Variants in ARMH4 observed in about 807,000 individuals in gnomAD.
The protein encoded by ARMH4 is armadillo-like helical domain-containing protein 4.
In ARMH4, 49 loss-of-function variants were observed where a neutral mutation model predicts 61.9. That is an observed-to-expected ratio of 0.79 (90% CI 0.63 to 1.00). The LOEUF (loss-of-function observed/expected upper bound fraction) is 1.00. Ranked by LOEUF, ARMH4 falls within the 50% of genes least tolerant of loss-of-function variation. ARMH4 has a pLI of 0.00. For missense variants in ARMH4, 934 were observed against 930.0 expected (o/e 1.00, Z -0.06); for synonymous variants, 368 against 341.5 (o/e 1.08, Z -0.85).
In ARMH4 at chr14:58,139,102, A is replaced by G; in HGVS notation, c.257T>C (p.Leu86Ser). 1 of 1,614,184 alleles carries G rather than the reference A, an allele frequency of 6.2e-7. No homozygotes were observed. The highest frequency in any genetic ancestry group is 8.5e-7 in the Non-Finnish European group (1 of 1,180,024). The stretch of plus-strand genomic sequence containing the variant: ...TTTGTTAATCGAGAATGCTTTATTT[A>G]ATGATGTTGCCGATGGTACTGCTGA... ...MMSAVPSATS[L>S]NKAFSINKET... The change falls in exon 2 of 8, where the codon TTA becomes TCA. Residue 86 changes from leucine to serine, a missense_variant. Physicochemically the swap from Leu to Ser is moderately radical, Grantham distance 145 (BLOSUM62 -2). Coordinates refer to ENST00000267485, the MANE Select transcript of ARMH4 (RefSeq NM_001001872.4).
intron 5 of ARMH4, among the ~76,000 whole-genome samples, chr14:58,095,601 G>A (rs1265868187): frequency 6.6e-6 from 1 of 151,968 alleles, no homozygotes. Flanking sequence ...TGCTGAATTT[G>A]GCCAGAAAGT....
chr14:58,096,901 T>C lies in ARMH4; in HGVS notation c.1912A>G (p.Lys638Glu). The part of the protein sequence containing the change: ...EEDEEEDEED[K>E]DADSLDEGLD... ...CCCTCATCCAGCGAGTCTGCATCTT[T>C]ATCTTCCTCATCTTCTTCCTCATCT... The change falls in exon 5 of 8, where the codon AAA becomes GAA. Residue 638 changes from lysine (K) to glutamate (E), a missense_variant. Physicochemically the swap from Lys to Glu is moderately conservative, Grantham distance 56. Transcript: ENST00000267485. 1 of 1,614,194 alleles carries C rather than the reference T, an allele frequency of 6.2e-7. No homozygotes were observed. Among genetic ancestry groups the C allele is most frequent in the Admixed American group, 1.7e-5 (1 of 60,026 alleles).
At chr14:58,027,415 T>C (rs867586461) in intron 5 of ARMH4, among the ~76,000 whole-genome samples, 1 of 152,324 alleles carries the variant, frequency 6.6e-6, no homozygotes, top group African/African-American at 2.4e-5. Context: ...TTTTCTAATT[T>C]AGAACATAAG....
intron 5 of ARMH4, among the ~76,000 whole-genome samples, chr14:58,016,491 G>A (rs1472843625): frequency 2.0e-5 from 3 of 152,020 alleles, no homozygotes; most frequent in South Asian, 4.2e-4. Flanking sequence ...TAGAATTATC[G>A]ATGATTTGTC....
intron 4 of ARMH4, among the ~76,000 whole-genome samples, chr14:58,112,013 G>A (rs1886368963): frequency 1.3e-5 from 2 of 151,946 alleles, no homozygotes; most frequent in Non-Finnish European, 2.9e-5. Flanking sequence ...TTTTTATAAG[G>A]ACACCAGTCC....
chr14:58,005,200 C>G lies in ARMH4; in HGVS notation c.2122-18G>C. The G allele has an allele frequency of 1.2e-6, 2 of 1,613,810 alleles. No homozygotes were observed. Among genetic ancestry groups the G allele is most frequent in the Non-Finnish European group, 1.7e-6 (2 of 1,179,838 alleles). On this transcript the variant is annotated intron_variant, in intron 6 of 7. Transcript: ENST00000267485. ...TAACCAGCCTGCATAGAAAAGGAAA[C>G]ACACATTAGGATGCTAAACAGAGCG...
At chr14:58,100,865 C>T (rs1885949631) in intron 4 of ARMH4, 1 of 152,574 alleles carries the variant, frequency 6.6e-6, no homozygotes, top group Admixed American at 6.5e-5. Flanking sequence ...ACAGCAAGGG[C>T]CAGAAGTGAA....
At chr14:58,029,127 C>A (rs71414182) in intron 5 of ARMH4, among the ~76,000 whole-genome samples, 1,998 of 152,298 alleles carry the variant, frequency 0.013, 32 homozygotes, top group East Asian at 0.081. Context: ...CCCCTGGCAA[C>A]CACCCATTCA....
chr14:58,061,088 G>A (rs915841684), intron 5 of ARMH4, among the ~76,000 whole-genome samples: 2 of 152,072 alleles, frequency 1.3e-5, no homozygotes. Context: ...ATTCCATGCT[G>A]AGCTCCAACT....
intron 4 of ARMH4, among the ~76,000 whole-genome samples, chr14:58,125,803 T>C (rs527345109): frequency 2.4e-4 from 37 of 152,166 alleles, no homozygotes; most frequent in Non-Finnish European, 4.7e-4. Context: ...TGGGTTTTCC[T>C]GTTGAGAGCG....
At chr14:58,069,321 T>C (rs1258876855) in intron 5 of ARMH4, among the ~76,000 whole-genome samples, 1 of 152,224 alleles carries the variant, frequency 6.6e-6, no homozygotes, top group Non-Finnish European at 1.5e-5. Flanking sequence ...TATGCTATGA[T>C]AGATCATAGG....
chr14:58,056,777 A>G (rs1052674516), intron 5 of ARMH4, among the ~76,000 whole-genome samples: 1 of 152,044 alleles, frequency 6.6e-6, no homozygotes, highest in Non-Finnish European at 1.5e-5. Flanking sequence ...ATTGAAACCC[A>G]TTCTCCCCTT....
At chr14:58,008,160 C>T (rs1331878836) in intron 6 of ARMH4, among the ~76,000 whole-genome samples, 4 of 152,070 alleles carry the variant, frequency 2.6e-5, no homozygotes, top group African/African-American at 7.2e-5. Flanking sequence ...CAGAGATCTG[C>T]TTAAAGTATA....
chr14:58,092,624 G>A (rs943071759), intron 5 of ARMH4, among the ~76,000 whole-genome samples: 1 of 152,114 alleles, frequency 6.6e-6, no homozygotes, highest in Non-Finnish European at 1.5e-5. Flanking sequence ...CAGTTTCCTT[G>A]CCTTTTCCAG....
chr14:58,130,936 T>G (rs995362388), intron 4 of ARMH4, among the ~76,000 whole-genome samples: 4 of 152,220 alleles, frequency 2.6e-5, no homozygotes, highest in Non-Finnish European at 5.9e-5. Flanking sequence ...TCTTTTAAAA[T>G]GCTGATGCCA....
intron 5 of ARMH4, among the ~76,000 whole-genome samples, chr14:58,078,963 G>C (rs1455039944): frequency 6.6e-6 from 1 of 152,172 alleles, no homozygotes; most frequent in Non-Finnish European, 1.5e-5. Context: ...GTCTTTCTTC[G>C]AAAGGCTCAT....
chr14:58,148,846 TAC>T (rs138826141), intron 1 of ARMH4, among the ~76,000 whole-genome samples: 5,583 of 145,322 alleles, frequency 0.038, 191 homozygotes, highest in African/African-American at 0.091. Flanking sequence ...CAGAGTTTAT[TAC>T]ACACACACAC....
chr14:58,049,406 G>A (rs961935179), intron 5 of ARMH4, among the ~76,000 whole-genome samples: 1 of 152,168 alleles, frequency 6.6e-6, no homozygotes, highest in Admixed American at 6.5e-5. Flanking sequence ...TCAGCAGTCA[G>A]TTTTATGCAT....
chr14:58,026,075 T>C (rs1345849587), intron 5 of ARMH4, among the ~76,000 whole-genome samples: 4 of 151,954 alleles, frequency 2.6e-5, no homozygotes, highest in African/African-American at 7.2e-5. Context: ...CAATCAACTG[T>C]ACATCCTGCC....
Sources: gnomAD v4.1 joint callset for allele counts (sites outside exome capture counted in the v4.1 genomes callset) on GRCh38, gnomAD v4.1.1 for gene constraint, MANE v1.5 for transcripts, NCBI Gene and HGNC (gene_info 2026-07-23, HGNC 2026-07-21) for gene names.